Variants in CCDC171 observed in about 807,000 individuals in gnomAD.
CCDC171 encodes the protein coiled-coil domain containing 171, also known as coiled-coil domain-containing protein 171.
CCDC171 carries 177 observed loss-of-function variants against 168.2 expected under a neutral mutation model. The ratio of observed to expected loss-of-function variants is 1.05; its 90% CI spans 0.93 to 1.19. The LOEUF (loss-of-function observed/expected upper bound fraction) is 1.19, where lower values mean the gene tolerates loss of function less well. CCDC171 is among the 50% of genes most tolerant of loss of function. The pLI, the probability that CCDC171 is intolerant of heterozygous loss-of-function variation, is 0.00. For synonymous variants in CCDC171, 687 were observed against 540.8 expected (o/e 1.27, Z -3.75); for missense variants, 1,991 against 1,539.0 (o/e 1.29, Z -4.91).
chr9:15,811,758 C>T (rs1307526397), intron 21 of CCDC171, among the ~76,000 whole-genome samples: 1 of 152,110 alleles, frequency 6.6e-6, no homozygotes, highest in African/African-American at 2.4e-5. Context: ...GATTAAAATA[C>T]ATAGTTACTT....
At chr9:15,766,905 T>C (rs2056754212) in intron 18 of CCDC171, among the ~76,000 whole-genome samples, 1 of 152,170 alleles carries the variant, frequency 6.6e-6, no homozygotes, top group South Asian at 2.1e-4. Context: ...CAAGCAATCC[T>C]TTTGCCTTGG....
chr9:16,044,548 G>A (rs986317918), intron 1 of CCDC171, among the ~76,000 whole-genome samples: 2 of 113,652 alleles, frequency 1.8e-5, no homozygotes, highest in African/African-American at 6.3e-5. Flanking sequence ...TTTTTTTTTT[G>A]GTTCTTTGAG....
intron 5 of CCDC171, among the ~76,000 whole-genome samples, chr9:15,592,511 T>C (rs1227545265): frequency 6.6e-6 from 1 of 152,196 alleles, no homozygotes; most frequent in East Asian, 1.9e-4. Context: ...CATTCCCAGA[T>C]GTTGTCATTG....
intron 24 of CCDC171, among the ~76,000 whole-genome samples, chr9:15,881,355 T>C (rs1818612330): frequency 6.6e-6 from 1 of 152,182 alleles, no homozygotes; most frequent in Non-Finnish European, 1.5e-5. Context: ...ATTTGATGCA[T>C]AATAGATGTA....
upstream of CCDC171, among the ~76,000 whole-genome samples, chr9:16,038,881 A>AAAAAG (rs1554714920): frequency 0.026 from 3,536 of 135,090 alleles, 92 homozygotes; most frequent in East Asian, 0.089. Context: ...AAAAAAAAAA[A>AAAAAG]AAAGCTGAAT....
intron 2 of CCDC171, among the ~76,000 whole-genome samples, chr9:15,566,463 G>A (rs1041782834): frequency 1.3e-5 from 2 of 152,164 alleles, no homozygotes; most frequent in Non-Finnish European, 2.9e-5. Flanking sequence ...AGAGGCTGAG[G>A]CATGAGAATT....
intron 3 of CCDC171, among the ~76,000 whole-genome samples, chr9:15,998,826 A>AAG (rs1832447057): frequency 6.6e-6 from 1 of 152,186 alleles, no homozygotes; most frequent in South Asian, 2.1e-4. Context: ...TGAAAATTTG[A>AAG]AGAGAGGGAC....
intron 24 of CCDC171, chr9:15,874,985 G>A (rs1474828887): frequency 2.4e-5 from 4 of 168,932 alleles, no homozygotes; most frequent in African/African-American, 9.5e-5. Context: ...ACCTCTTTAA[G>A]CAAGTCTCAA....
At chr9:16,079,755 C>A in the CCDC171 span, among the ~76,000 whole-genome samples, 1 of 152,356 alleles carries the variant, frequency 6.6e-6, no homozygotes, top group Admixed American at 6.5e-5. Context: ...ACCTGATACG[C>A]ATGGAATCTC....
intron 6 of CCDC171, among the ~76,000 whole-genome samples, chr9:15,622,400 G>C (rs980637230): frequency 6.6e-6 from 1 of 152,182 alleles, no homozygotes; most frequent in African/African-American, 2.4e-5. Context: ...TAGAATCTTT[G>C]ATAGAGAATT....
intron 25 of CCDC171, among the ~76,000 whole-genome samples, chr9:15,944,402 TG>T (rs1397466647): frequency 6.6e-6 from 1 of 151,790 alleles, no homozygotes; most frequent in African/African-American, 2.4e-5. Context: ...GTTGCTAAAA[TG>T]CTGTAAAAGG....
At chr9:15,874,875 A>G (rs1239073284) in intron 24 of CCDC171, 3 of 399,360 alleles carry the variant, frequency 7.5e-6, no homozygotes, top group Non-Finnish European at 1.2e-5. Flanking sequence ...AATAATCCAG[A>G]AAAGTGTTTT....
rs183735806 is a variant in CCDC171 at position 15,704,432 on chromosome 9, C to T, written c.1318+9095C>T. Among the ~76,000 whole-genome samples, 38 of 152,220 alleles carry T rather than the reference C, an allele frequency of 2.5e-4. 1 individual carries two copies. The highest frequency in any genetic ancestry group is 2.1e-4 in the Non-Finnish European group (14 of 68,010). On this transcript the variant is annotated intron_variant, in intron 11 of 25. Transcript: ENST00000380701. ...CCAGAGATCTTCTCTTTTTTAGCTACGGCAAGAAGGCAGTGGCGCTTTACC... is the reference window on the plus strand; with the variant it reads ...CCAGAGATCTTCTCTTTTTTAGCTATGGCAAGAAGGCAGTGGCGCTTTACC...
the CCDC171 span, among the ~76,000 whole-genome samples, chr9:16,070,347 T>A: frequency 9.2e-5 from 14 of 152,214 alleles, no homozygotes; most frequent in African/African-American, 2.7e-4. Flanking sequence ...GAGGGGTGAT[T>A]CTTTCACTGG....
At chr9:15,639,766 A>G (rs771213856) in intron 7 of CCDC171, among the ~76,000 whole-genome samples, 1 of 152,132 alleles carries the variant, frequency 6.6e-6, no homozygotes, top group African/African-American at 2.4e-5. Context: ...GAATCTTTCT[A>G]TGTTCTGCTA....
In CCDC171 at chr9:15,895,296, G is replaced by A. The variant is rs114264061; in HGVS notation, c.3600+20633G>A. Among the ~76,000 whole-genome samples the A allele has an allele frequency of 8.6e-3, 1,311 of 152,268 alleles. 15 individuals are homozygous for A. Among genetic ancestry groups the A allele is most frequent in the African/African-American group, 0.03 (1,239 of 41,570 alleles). On this transcript the variant is annotated intron_variant, in intron 24 of 25. Transcript: ENST00000380701. ...GTCAGAGAATGGCTGCCTTTTGAGT[G>A]AGGAGCCTAACCATTCTGCACAGGT...
intron 3 of CCDC171, among the ~76,000 whole-genome samples, chr9:15,979,553 G>T (rs558590886): frequency 1.3e-5 from 2 of 152,090 alleles, no homozygotes; most frequent in South Asian, 4.2e-4. Context: ...TGATCATGTG[G>T]TTTTTGTCCT....
intron 3 of CCDC171, among the ~76,000 whole-genome samples, chr9:15,980,668 T>C (rs1220581407): frequency 6.6e-6 from 1 of 152,110 alleles, no homozygotes; most frequent in Admixed American, 6.6e-5. Context: ...TGTCTAAGAT[T>C]TACCATTCTG....
At chr9:16,083,071 G>A in the CCDC171 span, among the ~76,000 whole-genome samples, 3 of 152,154 alleles carry the variant, frequency 2.0e-5, no homozygotes, top group Non-Finnish European at 4.4e-5. Flanking sequence ...CATGCCATAA[G>A]AATTAGGTAT....
Sources: gnomAD v4.1 joint callset for allele counts (sites outside exome capture counted in the v4.1 genomes callset) on GRCh38, gnomAD v4.1.1 for gene constraint, MANE v1.5 for transcripts, NCBI Gene and HGNC (gene_info 2026-07-23, HGNC 2026-07-21) for gene names.